The following GRXCR2 variants were observed in gnomAD, a reference collection of about 807,000 sequenced individuals.
GRXCR2 encodes glutaredoxin and cysteine rich domain containing 2, also known as glutaredoxin domain-containing cysteine-rich protein 2.
A neutral mutation model predicts 24.8 loss-of-function variants in GRXCR2; 23 were observed. The observed-to-expected ratio is 0.93, with a 90% CI of 0.67 to 1.32. The LOEUF is 1.32. Ranked by LOEUF, GRXCR2 falls within the 40% of genes most tolerant of loss-of-function variation. The pLI, the probability that GRXCR2 is intolerant of heterozygous loss-of-function variation, is 0.00. For missense variants in GRXCR2, 315 were observed against 303.4 expected (o/e 1.04, Z -0.28); for synonymous variants, 130 against 116.1 (o/e 1.12, Z -0.77).
chr5:145,927,244 G>A (rs902344439), intron 2 of GRXCR2, among the ~76,000 whole-genome samples: 4 of 152,100 alleles, frequency 2.6e-5, no homozygotes, highest in African/African-American at 7.2e-5. Context: ...TAATTGCCCT[G>A]GCGAGAACTT....
Position 145,865,087 on chromosome 5 carries a change from T to C in GRXCR2, c.564+1414A>G, listed in dbSNP as rs559171083. ...GGTGCCTCTTGTCTAAGGCCATTAC[T>C]CAAAGCCCAGTCATGACCTTCTTGT... On this transcript the variant is annotated intron_variant, in intron 2 of 2. Transcript: ENST00000377976. Among the ~76,000 whole-genome samples, 3 of 152,224 alleles carry C rather than the reference T, an allele frequency of 2.0e-5. No individual in the cohort carries two copies. In the East Asian group the frequency reaches 5.8e-4, roughly 29 times the overall value.
At chr5:145,875,833 A>T (rs986822533), upstream of GRXCR2, among the ~76,000 whole-genome samples, 1 of 152,202 alleles carries the variant, frequency 6.6e-6, no homozygotes, top group Non-Finnish European at 1.5e-5. Flanking sequence ...GGTGTCCCCC[A>T]GGACTACATT....
chr5:145,909,441 C>A (rs1561688866), intron 2 of GRXCR2, among the ~76,000 whole-genome samples: 1 of 150,110 alleles, frequency 6.7e-6, no homozygotes, highest in Non-Finnish European at 1.5e-5. Context: ...TCTGCAGTTG[C>A]CTCTATCCAA....
chr5:145,914,397 G>T (rs1473844630), intron 2 of GRXCR2, among the ~76,000 whole-genome samples: 1 of 151,884 alleles, frequency 6.6e-6, no homozygotes, highest in Non-Finnish European at 1.5e-5. Context: ...CAAATCTGGC[G>T]AGGCATGGTA....
downstream of GRXCR2, among the ~76,000 whole-genome samples, chr5:145,858,126 C>T (rs1023137258): frequency 6.6e-6 from 1 of 151,950 alleles, no homozygotes; most frequent in African/African-American, 2.4e-5. Flanking sequence ...CCAGCCTGGC[C>T]AACATGACGA....
chr5:145,866,750 A>C (rs760605874), intron 1 of GRXCR2, 22 bp from the exon 2 acceptor site: 1 of 1,502,636 alleles, frequency 6.7e-7, no homozygotes, highest in East Asian at 2.3e-5. Flanking sequence ...GAGAATGAGC[A>C]TGGAAACTTT....
rs1338603299 is a variant in GRXCR2, at chr5:145,858,922, C to A, written c.*811G>T. 1 of 152,132 alleles carries A rather than the reference C, an allele frequency of 6.6e-6. No individual in the cohort carries two copies. The highest frequency in any genetic ancestry group is 1.5e-5 in the Non-Finnish European group (1 of 68,016). 9.4% of individuals were successfully genotyped at this position (152,132 alleles called of 1,614,324 possible). On this transcript the variant is annotated 3_prime_UTR_variant, in exon 3 of 3. Coordinates refer to ENST00000377976, the MANE Select transcript of GRXCR2 (RefSeq NM_001080516.2). ...TACCTGCAGTCCTTTATGAAGAGAT[C>A]ATGGCTAGGTTCTAGACTTAAAGTG...
intron 2 of GRXCR2, among the ~76,000 whole-genome samples, chr5:145,865,844 A>AAGAT (rs559113429): frequency 2.0e-3 from 310 of 152,298 alleles, no homozygotes; most frequent in African/African-American, 7.3e-3. Context: ...CCCATAAGAA[A>AAGAT]AGATAGGGCC....
At chr5:145,864,806 T>C (rs1257732570) in intron 2 of GRXCR2, among the ~76,000 whole-genome samples, 2 of 152,142 alleles carry the variant, frequency 1.3e-5, no homozygotes, top group Non-Finnish European at 2.9e-5. Flanking sequence ...GAAAACGGAC[T>C]AATACAGTGA....
chr5:145,872,759 G>A lies in GRXCR2; in HGVS notation c.210C>T (p.Val70=). The change falls in exon 1 of 3, where the codon GTC becomes GTT. Residue 70 remains valine, a synonymous_variant. Transcript: ENST00000377976. ...TMDGVYGSGE[V]PRPQMCSPKL... is the part of the protein sequence containing the mutation. The stretch of plus-strand genomic sequence containing the variant: ...TAGGGGAGCACATCTGGGGCCTGGG[G>A]ACTTCCCCAGACCCATAAACACCAT... The A allele has an allele frequency of 6.2e-7, 1 of 1,614,038 alleles. No individual in the cohort carries two copies. The highest frequency in any genetic ancestry group is 8.5e-7 in the Non-Finnish European group (1 of 1,179,908).
At chr5:145,922,166 G>A (rs1371926205) in intron 2 of GRXCR2, among the ~76,000 whole-genome samples, 1 of 152,110 alleles carries the variant, frequency 6.6e-6, no homozygotes, top group Non-Finnish European at 1.5e-5. Context: ...CCCAAAGCCT[G>A]ACACTCCTGC....
At chr5:145,879,633 G>C (rs568872654) in intron 2 of GRXCR2, among the ~76,000 whole-genome samples, 1 of 152,118 alleles carries the variant, frequency 6.6e-6, no homozygotes, top group South Asian at 2.1e-4. Flanking sequence ...GTCAATATTA[G>C]ACAGATTAAT....
intron 2 of GRXCR2, among the ~76,000 whole-genome samples, chr5:145,898,826 G>A (rs114594530): frequency 0.034 from 5,189 of 152,048 alleles, 230 homozygotes; most frequent in African/African-American, 0.11. Flanking sequence ...TACTAAATAG[G>A]CAGAAACTGG....
chr5:145,874,455 A>G (rs990047934), upstream of GRXCR2, among the ~76,000 whole-genome samples: 3 of 150,366 alleles, frequency 2.0e-5, no homozygotes, highest in African/African-American at 7.4e-5. Flanking sequence ...GCCTGCCTTG[A>G]CCTCCCAAAG....
intron 2 of GRXCR2, among the ~76,000 whole-genome samples, chr5:145,930,183 C>T (rs192407318): frequency 6.6e-6 from 1 of 152,250 alleles, no homozygotes; most frequent in Non-Finnish European, 1.5e-5. Context: ...CTCCCAGATT[C>T]AACTGATTCT....
chr5:145,876,626 T>C (rs951670484), upstream of GRXCR2, among the ~76,000 whole-genome samples: 3 of 152,250 alleles, frequency 2.0e-5, no homozygotes, highest in South Asian at 6.2e-4. Context: ...TGAATGTCAG[T>C]AACAACAACA....
intron 2 of GRXCR2, among the ~76,000 whole-genome samples, chr5:145,899,725 T>C (rs187237335): frequency 1.3e-5 from 2 of 152,144 alleles, no homozygotes; most frequent in East Asian, 1.9e-4. Context: ...AAGAATGAAA[T>C]TGGACCTTTA....
chr5:145,863,353 G>A (rs1396172077), intron 2 of GRXCR2, among the ~76,000 whole-genome samples: 1 of 152,224 alleles, frequency 6.6e-6, no homozygotes, highest in Non-Finnish European at 1.5e-5. Context: ...GGACAGGCAA[G>A]TGAAGTATAA....
chr5:145,903,939 T>TCAC (rs1757058408), intron 2 of GRXCR2, among the ~76,000 whole-genome samples: 1 of 152,200 alleles, frequency 6.6e-6, no homozygotes, highest in African/African-American at 2.4e-5. Flanking sequence ...AGCAGGGTGT[T>TCAC]ACATGAAGCC....
Sources: allele counts gnomAD v4.1 joint callset (sites outside exome capture counted in the v4.1 genomes callset), GRCh38; gene constraint gnomAD v4.1.1; transcripts MANE v1.5; gene names NCBI Gene and HGNC (gene_info 2026-07-23, HGNC 2026-07-21).